The following TNS4 variants were observed in gnomAD, a reference collection of about 807,000 sequenced individuals.
TNS4 encodes the protein tensin-4.
Under a neutral mutation model 70.4 loss-of-function variants are expected in TNS4, and 46 were observed. The ratio of observed to expected loss-of-function variants is 0.65; its 90% CI spans 0.52 to 0.84. The LOEUF is 0.84. Among genes scored for constraint, TNS4 ranks in the 40% least tolerant of loss-of-function variants. The pLI, the probability that TNS4 is intolerant of heterozygous loss-of-function variation, is 0.00. For missense variants in TNS4, 863 were observed against 907.0 expected (o/e 0.95, Z 0.62); for synonymous variants, 390 against 366.6 (o/e 1.06, Z -0.73).
chr17:40,484,684 C>A, intron 5 of TNS4, 75 bp from the exon 6 acceptor site: 1 of 1,585,216 alleles, frequency 6.3e-7, no homozygotes. Flanking sequence ...AGGGTCTTCA[C>A]AGAGCAGATG....
In TNS4 at chr17:40,496,151, T is replaced by A. The variant is rs2036139955; in HGVS notation, c.275A>T (p.Glu92Val). 6.2e-7 allele frequency: 1 copy of A among 1,610,678 alleles called. No individual in the cohort carries two copies. Among genetic ancestry groups the A allele is most frequent in the Non-Finnish European group, 8.5e-7 (1 of 1,178,282 alleles). Reference protein sequence around the residue: ...SPGEKALGTPEDLDSYIDFSL... With the variant: ...SPGEKALGTPVDLDSYIDFSL... ...GAAGTCAATGTAGGAGTCAAGGTCCTCTGGGGTCCCCAAGGCCTTCTCACC... is the reference window on the plus strand; with the variant it reads ...GAAGTCAATGTAGGAGTCAAGGTCCACTGGGGTCCCCAAGGCCTTCTCACC... Residue 92 changes from glutamate (E) to valine (V), a missense_variant, in exon 2 of 13, where the codon GAG becomes GTG. Transcript: ENST00000254051.
chr17:40,488,891 G>A lies in TNS4; in HGVS notation c.518C>T (p.Thr173Ile). Residue 173 changes from threonine (T) to isoleucine (I), a missense_variant, in exon 3 of 13, where the codon ACC (threonine) becomes ATC (isoleucine). By Grantham distance (89) the Thr-to-Ile change is moderately conservative (BLOSUM62 -1). Transcript: ENST00000254051. ...GPQHCSSPSV[T>I]PPFGSLRSGG... ...ACTGCGAAGGGAGCCGAAGGGCGGG[G>A]TGACAGAGGGGCTGGAGCAGTGCTG... 1 of 1,613,310 alleles carries A rather than the reference G, an allele frequency of 6.2e-7. No homozygotes were observed. The highest frequency in any genetic ancestry group is 8.5e-7 in the Non-Finnish European group (1 of 1,179,818).
At position 40,477,581 on chromosome 17, in the gene TNS4, C is replaced by G. The variant is rs767885681; in HGVS notation, c.*7G>C. The G allele has an allele frequency of 6.2e-7, 1 of 1,613,868 alleles. No individual in the cohort carries two copies. Among genetic ancestry groups the G allele is most frequent in the South Asian group, 1.1e-5 (1 of 91,054 alleles). Reference sequence around the variant, plus strand: ...GGTGTTGGTTAGGTGCACAGGCAGTCTCTCCCCTACATCCTTTCTGCGTCC... The same window carrying G: ...GGTGTTGGTTAGGTGCACAGGCAGTGTCTCCCCTACATCCTTTCTGCGTCC... On this transcript the variant is annotated 3_prime_UTR_variant, in exon 13 of 13. Transcript: ENST00000254051.
chr17:40,486,462 C>T (rs1351605953), intron 4 of TNS4, among the ~76,000 whole-genome samples: 1 of 152,088 alleles, frequency 6.6e-6, no homozygotes, highest in Non-Finnish European at 1.5e-5. Context: ...GAGCGAGCAC[C>T]TCTGACCCCA....
intron 4 of TNS4, among the ~76,000 whole-genome samples, chr17:40,486,077 A>G (rs942606947): frequency 5.9e-5 from 9 of 152,148 alleles, no homozygotes; most frequent in African/African-American, 1.9e-4. Context: ...GGGAGGGGGA[A>G]CAGGGGGTTG....
chr17:40,480,806 G>A (rs557589256), intron 8 of TNS4, 38 bp from the exon 9 acceptor site: 10 of 1,594,462 alleles, frequency 6.3e-6, no homozygotes, highest in African/African-American at 2.7e-5. Context: ...CCAAAGGGGC[G>A]GGGGTGGAGT....
intron 3 of TNS4, among the ~76,000 whole-genome samples, chr17:40,488,242 TA>T (rs1055249750): frequency 6.6e-6 from 1 of 152,126 alleles, no homozygotes; most frequent in Non-Finnish European, 1.5e-5. Context: ...TTTTGGGGTT[TA>T]AAAAAACCTT....
At position 40,476,425 on chromosome 17, in the gene TNS4, TGTG is replaced by T. The variant is rs2035849951; in HGVS notation, c.*1160_*1162del. 7.7e-5 allele frequency: 9 copies of T among 116,554 alleles called. No homozygotes were observed. Among genetic ancestry groups the T allele is most frequent in the African/African-American group, 3.2e-4 (9 of 27,974 alleles). The allele number at this position is 116,554 out of a possible 1,614,324, so 7.2% of individuals were successfully genotyped here. A position where few individuals can be genotyped will look rare whatever the true frequency, so the allele number is the denominator to read the frequency against. The stretch of plus-strand genomic sequence containing the variant: ...GTGTGTGTGTGTGTGTGTGTGTGTG[TGTG>T]TTGGAGCGTGGGTTGGGGGAGGGCT... On this transcript the variant is annotated 3_prime_UTR_variant, in exon 13 of 13. Coordinates refer to ENST00000254051, the MANE Select transcript of TNS4 (RefSeq NM_032865.6).
At chr17:40,486,461 C>A (rs2035990284) in intron 4 of TNS4, among the ~76,000 whole-genome samples, 1 of 152,090 alleles carries the variant, frequency 6.6e-6, no homozygotes, top group Non-Finnish European at 1.5e-5. Flanking sequence ...TGAGCGAGCA[C>A]CTCTGACCCC....
At position 40,478,736 on chromosome 17, in the gene TNS4, A is replaced by T. The variant is rs113005185; in HGVS notation, c.1911-88T>A. 8.2e-6 allele frequency: 12 copies of T among 1,456,334 alleles called. No homozygotes were observed. The Admixed American group carries it at 1.4e-4, about 17-fold the overall frequency. 90.2% of individuals were successfully genotyped at this position (1,456,334 alleles called of 1,614,324 possible). The stretch of plus-strand genomic sequence containing the variant: ...AGCATCTCTCGTTCCCCCCAAGCTC[A>T]GGTGCCCTGTCCTCCAAGAAGTCTC... On this transcript the variant is annotated intron_variant, in intron 10 of 12. Transcript: ENST00000254051.
At chr17:40,496,821 A>G (rs1328426352) in intron 1 of TNS4, among the ~76,000 whole-genome samples, 2 of 152,262 alleles carry the variant, frequency 1.3e-5, no homozygotes, top group African/African-American at 4.8e-5. Context: ...TAACTTCAGT[A>G]GATGTTTATT....
rs1227044804 is a variant in TNS4 at position 40,496,013 on chromosome 17, C to T, written c.413G>A (p.Arg138Lys). ...CAAGGCTTCAGATTCCTCCTTCTTTCTCATTGACATGGTGCTCTGGGCCAG... is the reference window on the plus strand; with the variant it reads ...CAAGGCTTCAGATTCCTCCTTCTTTTTCATTGACATGGTGCTCTGGGCCAG... ...AELAQSTMSM[R>K]KKEESEALDI... The change falls in exon 2 of 13, where the codon AGA (arginine) becomes AAA (lysine). Residue 138 changes from arginine to lysine, a missense_variant. By Grantham distance (26) the Arg-to-Lys change is conservative (BLOSUM62 2). Coordinates refer to ENST00000254051, the MANE Select transcript of TNS4 (RefSeq NM_032865.6). 1.1e-5 allele frequency: 17 copies of T among 1,612,044 alleles called. No individual in the cohort carries two copies. Among genetic ancestry groups the T allele is most frequent in the Non-Finnish European group, 1.4e-5 (17 of 1,179,358 alleles).
intron 1 of TNS4, among the ~76,000 whole-genome samples, chr17:40,498,873 G>A (rs1054440560): frequency 6.6e-6 from 1 of 152,066 alleles, no homozygotes; most frequent in Non-Finnish European, 1.5e-5. Flanking sequence ...TGAGTTGTCA[G>A]TCCATTTTAC....
chr17:40,497,762 C>T (rs979918542), intron 1 of TNS4, among the ~76,000 whole-genome samples: 1 of 152,184 alleles, frequency 6.6e-6, no homozygotes, highest in Non-Finnish European at 1.5e-5. Context: ...CTGGCCAGAT[C>T]CCGTAGGGCC....
At chr17:40,495,117 A>G (rs573026395) in intron 2 of TNS4, among the ~76,000 whole-genome samples, 5 of 152,340 alleles carry the variant, frequency 3.3e-5, no homozygotes, top group African/African-American at 9.6e-5. Context: ...AAACCCAGCC[A>G]TTATGAATAA....
At chr17:40,483,649 C>T (rs1331874933) in intron 6 of TNS4, among the ~76,000 whole-genome samples, 1 of 152,214 alleles carries the variant, frequency 6.6e-6, no homozygotes, top group East Asian at 1.9e-4. Context: ...CACCAGTCCA[C>T]AGTGTCCTCC....
At chr17:40,486,875 CT>C (rs1307287519) in intron 4 of TNS4, among the ~76,000 whole-genome samples, 160 bp downstream of exon 4, 1 of 152,230 alleles carries the variant, frequency 6.6e-6, no homozygotes, top group African/African-American at 2.4e-5. Flanking sequence ...GTTTTTGTCT[CT>C]TTCTAAACTG....
intron 10 of TNS4, among the ~76,000 whole-genome samples, chr17:40,479,031 C>G (rs904179375): frequency 6.6e-5 from 10 of 152,312 alleles, no homozygotes; most frequent in Non-Finnish European, 1.2e-4. Context: ...GGGGAAGGAA[C>G]GATCTCATTC....
In TNS4 at chr17:40,484,483, C is replaced by A. The variant is rs770743221; in HGVS notation, c.1501+1G>T. The A allele has an allele frequency of 1.9e-6, 3 of 1,609,978 alleles. No individual in the cohort carries two copies. Among genetic ancestry groups the A allele is most frequent in the South Asian group, 2.2e-5 (2 of 91,078 alleles). Reference sequence around the variant, plus strand: ...GAGTGAGCACAGAGACAGACGCATACCTGGTCGACTCTGAGCAGACGCGGG... The same window carrying A: ...GAGTGAGCACAGAGACAGACGCATAACTGGTCGACTCTGAGCAGACGCGGG... On this transcript the variant is annotated splice_donor_variant, in intron 6 of 12. Transcript: ENST00000254051. LOFTEE classifies it high-confidence loss of function.
Sources: gnomAD v4.1 joint callset for allele counts (sites outside exome capture counted in the v4.1 genomes callset) on GRCh38, gnomAD v4.1.1 for gene constraint, MANE v1.5 for transcripts, NCBI Gene and HGNC (gene_info 2026-07-23, HGNC 2026-07-21) for gene names.